PSD3: variants seen among roughly 807,000 people sequenced by gnomAD.
PSD3 encodes the protein PH and SEC7 domain-containing protein 3.
A neutral mutation model predicts 105.5 loss-of-function variants in PSD3; 49 were observed. The observed-to-expected ratio is 0.46, with a 90% CI of 0.37 to 0.59. The LOEUF (loss-of-function observed/expected upper bound fraction) is 0.59. PSD3 is among the 20% of genes least tolerant of loss of function. PSD3 has a pLI of 0.00. For missense variants in PSD3, 1,561 were observed against 1,263.8 expected, an observed-to-expected ratio of 1.24 and a Z score of -3.57; for synonymous variants, 557 against 457.8, an observed-to-expected ratio of 1.22 and a Z score of -2.77.
At chr8:18,972,338 G>C (rs1824701317) in intron 1 of PSD3, among the ~76,000 whole-genome samples, 3 of 152,182 alleles carry the variant, frequency 2.0e-5, no homozygotes, top group Non-Finnish European at 4.4e-5. Context: ...TAACAGGAGG[G>C]GAGCAGGGAG....
chr8:18,961,582 C>T (rs1181311942), intron 1 of PSD3, among the ~76,000 whole-genome samples: 1 of 151,896 alleles, frequency 6.6e-6, no homozygotes, highest in Non-Finnish European at 1.5e-5. Flanking sequence ...CCCAGCTACT[C>T]GCGAGGCTGA....
chr8:18,774,415 C>G (rs1234262824), intron 8 of PSD3: 1 of 164,148 alleles, frequency 6.1e-6, no homozygotes, highest in Non-Finnish European at 1.3e-5. Flanking sequence ...TTAAGATATA[C>G]AAATTATTGT....
At chr8:18,570,903 A>G (rs1181831732) in intron 14 of PSD3, among the ~76,000 whole-genome samples, 1 of 150,668 alleles carries the variant, frequency 6.6e-6, no homozygotes, top group Non-Finnish European at 1.5e-5. Flanking sequence ...TCTGTCGCCC[A>G]GGCTGGAATG....
At chr8:18,977,955 T>C (rs190488827) in intron 1 of PSD3, among the ~76,000 whole-genome samples, 3 of 152,296 alleles carry the variant, frequency 2.0e-5, no homozygotes, top group Middle Eastern at 3.4e-3. Flanking sequence ...AGATGGACTT[T>C]TGAGCAAAAA....
chr8:18,808,902 C>A, intron 4 of PSD3: 1 of 1,555,710 alleles, frequency 6.4e-7, no homozygotes, highest in Non-Finnish European at 8.7e-7. Context: ...ACCTGGCTCC[C>A]TGTGAGGTCA....
At chr8:19,040,884 T>G (rs963049292) in intron 1 of PSD3, among the ~76,000 whole-genome samples, 4 of 152,038 alleles carry the variant, frequency 2.6e-5, no homozygotes, top group Admixed American at 2.6e-4. Context: ...CTTGATCCCA[T>G]TTTATTTTTA....
upstream of PSD3, chr8:19,013,707 A>G: frequency 1.2e-6 from 1 of 863,332 alleles, no homozygotes; most frequent in Non-Finnish European, 1.5e-6. Context: ...GACTGCCGAG[A>G]GGCGGCGGCC....
intron 11 of PSD3, among the ~76,000 whole-genome samples, chr8:18,609,588 T>G (rs1466297535): frequency 6.6e-6 from 1 of 152,186 alleles, no homozygotes; most frequent in East Asian, 1.9e-4. Flanking sequence ...ACAAAATCCT[T>G]AAAGTATGTA....
chr8:18,594,704 T>G lies in PSD3; in HGVS notation c.2481+5660A>C, dbSNP rs567991501. 7.3e-4 allele frequency among the ~76,000 whole-genome samples: 110 copies of G among 151,716 alleles called. 4 individuals carry two copies. The South Asian group carries it at 0.015, about 21-fold the overall frequency. ...ACACCAAAATCCATGGATGCTCAAG[T>G]CACTTACATAACATGACACAGTATT... is the stretch of plus-strand genomic sequence containing the variant. On this transcript the variant is annotated intron_variant, in intron 12 of 15. Transcript: ENST00000327040.
At chr8:18,989,830 T>C (rs1270307535) in intron 1 of PSD3, among the ~76,000 whole-genome samples, 1 of 152,194 alleles carries the variant, frequency 6.6e-6, no homozygotes, top group Non-Finnish European at 1.5e-5. Flanking sequence ...AGCACTGTGC[T>C]AGAATCAATG....
At chr8:18,648,949 G>A (rs1484460837) in intron 10 of PSD3, among the ~76,000 whole-genome samples, 4 of 152,240 alleles carry the variant, frequency 2.6e-5, no homozygotes, top group Non-Finnish European at 4.4e-5. Flanking sequence ...TTAAGGCTTC[G>A]GAGCCTTTGC....
At chr8:18,685,863 T>A (rs1585616544) in intron 9 of PSD3, among the ~76,000 whole-genome samples, 1 of 152,150 alleles carries the variant, frequency 6.6e-6, no homozygotes, top group Middle Eastern at 3.4e-3. Context: ...ATTCAAAATG[T>A]CCCGTGTAAA....
At chr8:18,876,446 G>T (rs1817738836) in intron 2 of PSD3, among the ~76,000 whole-genome samples, 1 of 152,086 alleles carries the variant, frequency 6.6e-6, no homozygotes. Context: ...GAGTGCAGTG[G>T]GACGATCATG....
At chr8:18,936,765 A>T (rs1179664481) in intron 1 of PSD3, among the ~76,000 whole-genome samples, 1 of 152,100 alleles carries the variant, frequency 6.6e-6, no homozygotes, top group East Asian at 1.9e-4. Context: ...CTCAAAAAAA[A>T]AAAAAAGAAA....
intron 4 of PSD3, among the ~76,000 whole-genome samples, chr8:18,813,067 G>A (rs530882603): frequency 1.3e-5 from 2 of 152,256 alleles, no homozygotes; most frequent in Admixed American, 6.5e-5. Flanking sequence ...AAACTAAATT[G>A]CGTGTCTGTG....
At chr8:18,645,316 T>C (rs66563652) in intron 10 of PSD3, among the ~76,000 whole-genome samples, 10,660 of 152,284 alleles carry the variant, frequency 0.07, 508 homozygotes, top group African/African-American at 0.14. Flanking sequence ...AATATCATTT[T>C]TAGCTAACAA....
chr8:18,652,209 T>C lies in PSD3; in HGVS notation c.2216+3433A>G, dbSNP rs1412501688. On this transcript the variant is annotated intron_variant, in intron 10 of 15. Coordinates refer to ENST00000327040, the MANE Select transcript of PSD3 (RefSeq NM_015310.4). Reference sequence around the variant, plus strand: ...CCAGCAGAAACATCCTGCAGGAAAATGCAAACACTGAATTGAAACTTGGGA... The same window carrying C: ...CCAGCAGAAACATCCTGCAGGAAAACGCAAACACTGAATTGAAACTTGGGA... Among the ~76,000 whole-genome samples, 3 of 151,944 alleles carry C rather than the reference T, an allele frequency of 2.0e-5. No homozygotes were observed. The East Asian group carries it at 5.8e-4, about 29-fold the overall frequency.
At chr8:18,724,576 T>C in intron 9 of PSD3, among the ~76,000 whole-genome samples, 1 of 151,946 alleles carries the variant, frequency 6.6e-6, no homozygotes, top group East Asian at 1.9e-4. Flanking sequence ...CACTCCATTG[T>C]ACTCCAGCCT....
chr8:18,626,683 G>T (rs1806504710), intron 11 of PSD3, among the ~76,000 whole-genome samples: 1 of 152,142 alleles, frequency 6.6e-6, no homozygotes, highest in East Asian at 1.9e-4. Flanking sequence ...TCTCTCAAAA[G>T]AAGAAGGCAA....
Sources: gnomAD v4.1 joint callset for allele counts (sites outside exome capture counted in the v4.1 genomes callset) on GRCh38, gnomAD v4.1.1 for gene constraint, MANE v1.5 for transcripts, NCBI Gene and HGNC (gene_info 2026-07-23, HGNC 2026-07-21) for gene names.